The following SCAF1 variants were observed in gnomAD, a reference collection of about 807,000 sequenced individuals.
The protein encoded by SCAF1 is SR-related CTD associated factor 1.
Under a neutral mutation model 91.2 loss-of-function variants are expected in SCAF1, and 28 were observed. That is an observed-to-expected ratio of 0.31 (90% confidence interval 0.23 to 0.42). The LOEUF is 0.42. Ranked by LOEUF, SCAF1 falls within the 10% of genes least tolerant of loss-of-function variation. The pLI, the probability that SCAF1 is intolerant of heterozygous loss-of-function variation, is 1.00. For missense variants in SCAF1, 1,893 were observed against 1,872.1 expected (o/e 1.01, Z -0.21); for synonymous variants, 1,036 against 833.7 (o/e 1.24, Z -4.18).
At position 49,646,916 on chromosome 19, in the gene SCAF1, C is replaced by A; in HGVS notation, c.478+86C>A. ...TTTTGGTAGTGATGGTAGCGGTGATCATGTTATTTAGACAAAACCTTTCCC... is the reference window on the plus strand; with the variant it reads ...TTTTGGTAGTGATGGTAGCGGTGATAATGTTATTTAGACAAAACCTTTCCC... On this transcript the variant is annotated intron_variant, in intron 6 of 10. Coordinates refer to ENST00000360565, the MANE Select transcript of SCAF1 (RefSeq NM_021228.3). The surrounding 1 kb of genome is among the most constrained non-coding windows in gnomAD (Gnocchi z 5.6). 3 of 985,268 alleles carry A rather than the reference C, an allele frequency of 3.0e-6. No individual in the cohort carries two copies. Among genetic ancestry groups the A allele is most frequent in the Non-Finnish European group, 3.0e-6 (2 of 670,020 alleles). The allele number at this position is 985,268 out of a possible 1,614,324, so 61.0% of individuals were successfully genotyped here.
At position 49,654,745 on chromosome 19, in the gene SCAF1, C is replaced by T; in HGVS notation, c.3493C>T (p.Leu1165=). The change falls in exon 9 of 11, where the codon CTG becomes TTG. Residue 1165 remains leucine, a synonymous_variant. Coordinates refer to ENST00000360565, the MANE Select transcript of SCAF1 (RefSeq NM_021228.3). Reference sequence around the variant, plus strand: ...TCTGCCCCCTGGCCCCTCCAGCTACCTGCTTCCTGGCAGCCTCCCTCTGGG... The same window carrying T: ...TCTGCCCCCTGGCCCCTCCAGCTACTTGCTTCCTGGCAGCCTCCCTCTGGG... ...LGLPPGPSSY[L]LPGSLPLGGC... 2 of 1,614,024 alleles carry T rather than the reference C, an allele frequency of 1.2e-6. No individual in the cohort carries two copies. Among genetic ancestry groups the T allele is most frequent in the South Asian group, 1.1e-5 (1 of 91,082 alleles).
In SCAF1 at chr19:49,653,223, C is replaced by T. The variant is rs1194719361; in HGVS notation, c.2834C>T (p.Ser945Phe). 6.6e-7 allele frequency: 1 copy of T among 1,517,662 alleles called. No individual in the cohort carries two copies. Among genetic ancestry groups the T allele is most frequent in the Non-Finnish European group, 8.8e-7 (1 of 1,132,550 alleles). 94.0% of individuals were successfully genotyped at this position (1,517,662 alleles called of 1,614,324 possible). A position where few individuals can be genotyped will look rare whatever the true frequency, so the allele number is the denominator to read the frequency against. ...GGTGGCCAGGTGTCGCTGAAGAAGT[C>T]CAAGGCGGATAGCTGCAGCCAGGCG... ...GSGGQVSLKK[S>F]KADSCSQAAG... The change falls in exon 7 of 11, where the codon TCC (serine) becomes TTC (phenylalanine). Residue 945 changes from serine (S) to phenylalanine (F), a missense_variant. This residue lies in a region of SCAF1 where 1,436 missense variants were observed against 1,306.8 expected (regional missense o/e 1.10). Coordinates refer to ENST00000360565, the MANE Select transcript of SCAF1 (RefSeq NM_021228.3).
rs755547632 is a variant in SCAF1, at chr19:49,652,765, C to T, written c.2376C>T (p.Ser792=). Residue 792 remains serine (S), a synonymous_variant, in exon 7 of 11, where the codon TCC becomes TCT. Coordinates refer to ENST00000360565, the MANE Select transcript of SCAF1 (RefSeq NM_021228.3). ...GAGATAGGGACAGGGACAGGTCATC[C>T]AAGAAGGCCCGGCCCCCCAAGGAGT... The part of the protein sequence containing the change: ...RDRDRDRDRS[S]KKARPPKESA... The T allele has an allele frequency of 6.2e-7, 1 of 1,612,246 alleles. No individual in the cohort carries two copies.
Position 49,646,095 on chromosome 19 carries a change from A to G in SCAF1, c.167-13A>G, listed in dbSNP as rs370215846. 2.9e-5 allele frequency: 47 copies of G among 1,610,806 alleles called. No homozygotes were observed. The highest frequency in any genetic ancestry group is 8.8e-5 in the South Asian group (8 of 91,046). ...TCCCCTGTGTCCAATCCCCCATGCA[A>G]ATCTCTCACCAGATGGCTCTCGGTG... On this transcript the variant is annotated splice_polypyrimidine_tract_variant and intron_variant, in intron 3 of 10. Transcript: ENST00000360565. This position sits in a 1 kb window ranked among gnomAD's most constrained non-coding sequence, Gnocchi z 5.6.
In SCAF1 at chr19:49,651,095, G is replaced by A; in HGVS notation, c.706G>A (p.Glu236Lys). The A allele has an allele frequency of 6.7e-7, 1 of 1,485,666 alleles. No individual in the cohort carries two copies. Among genetic ancestry groups the A allele is most frequent in the Non-Finnish European group, 9.1e-7 (1 of 1,101,922 alleles). 92.0% of individuals were successfully genotyped at this position (1,485,666 alleles called of 1,614,324 possible). A position where few individuals can be genotyped will look rare whatever the true frequency, so the allele number is the denominator to read the frequency against. Residue 236 changes from glutamate (E) to lysine (K), a missense_variant, in exon 7 of 11, where the codon GAG (glutamate) becomes AAG (lysine). Glu to Lys is a moderately conservative substitution (Grantham distance 56). This residue lies in a region of SCAF1 where 80 missense variants were observed against 116.6 expected (regional missense o/e 0.69). Transcript: ENST00000360565. ...CTATGACCCCTTCCACCCCACCGAC[G>A]AGGCCTACTCTCCACCGCCTGCTCC... is the stretch of plus-strand genomic sequence containing the variant. ...DIYDPFHPTD[E>K]AYSPPPAPEQ...
chr19:49,651,471 C>A lies in SCAF1; in HGVS notation c.1082C>A (p.Ala361Asp). 6.3e-7 allele frequency: 1 copy of A among 1,585,364 alleles called. No individual in the cohort carries two copies. The highest frequency in any genetic ancestry group is 8.6e-7 in the Non-Finnish European group (1 of 1,167,022). ...TTCGTGGTGGGGACCGAGGCAGAGG[C>A]TTGTCGGGAAGGCAAGGTCTCGGTG... ...RVFVVGTEAE[A>D]CREGKVSVEV... is the part of the protein sequence containing the mutation. The change falls in exon 7 of 11, where the codon GCT (alanine) becomes GAT (aspartate). Residue 361 changes from alanine to aspartate, a missense_variant. Ala to Asp is a moderately radical substitution (Grantham distance 126). Around this residue, in one of 5 missense-constraint regions of SCAF1, gnomAD observed 1,436 missense variants for 1,306.8 expected, o/e 1.10. Transcript: ENST00000360565.
At chr19:49,641,816 G>C (rs1209248362), upstream of SCAF1, among the ~76,000 whole-genome samples, 1 of 152,208 alleles carries the variant, frequency 6.6e-6, no homozygotes, top group African/African-American at 2.4e-5. Context: ...ACAACATCCA[G>C]CAAGTCGTGC....
Position 49,652,272 on chromosome 19 carries a change from A to G in SCAF1, c.1883A>G (p.Glu628Gly), listed in dbSNP as rs1281706444. 9.4e-6 allele frequency: 14 copies of G among 1,482,476 alleles called. No homozygotes were observed. The highest frequency in any genetic ancestry group is 1.5e-5 in the African/African-American group (1 of 68,872). The allele number at this position is 1,482,476 out of a possible 1,614,324, so 91.8% of individuals were successfully genotyped here. Residue 628 changes from glutamate to glycine, a missense_variant, in exon 7 of 11, where the codon GAG (glutamate) becomes GGG (glycine). Transcript: ENST00000360565. ...ATSSSSSSRRERHRGKHRDGG... is the reference protein window; with the variant it reads ...ATSSSSSSRRGRHRGKHRDGG... ...TCCTCATCGTCGTCCTCGAGGCGCG[A>G]GCGGCACCGCGGGAAACACCGGGAC...
Position 49,652,514 on chromosome 19 carries a change from C to T in SCAF1, c.2125C>T (p.Arg709Trp), listed in dbSNP as rs1003536053. Residue 709 changes from arginine to tryptophan, a missense_variant, in exon 7 of 11, where the codon CGG becomes TGG. By Grantham distance (101) the Arg-to-Trp change is moderately radical. Transcript: ENST00000360565. ...FAIKRTITVGRLDKSDPRGPS... is the reference protein window; with the variant it reads ...FAIKRTITVGWLDKSDPRGPS... The stretch of plus-strand genomic sequence containing the variant: ...CATCAAGCGGACCATCACGGTGGGC[C>T]GGCTTGACAAGTCCGACCCCCGAGG... 6 of 1,576,632 alleles carry T rather than the reference C, an allele frequency of 3.8e-6. No homozygotes were observed. The highest frequency in any genetic ancestry group is 1.8e-5 in the Admixed American group (1 of 55,640).
chr19:49,653,791 C>T, intron 7 of SCAF1, 86 bp downstream of exon 7: 2 of 1,303,606 alleles, frequency 1.5e-6, no homozygotes, highest in East Asian at 2.8e-5. Flanking sequence ...CAGTGGGGTG[C>T]CCTGGCAGGG....
Position 49,651,727 on chromosome 19 carries a change from C to A in SCAF1, c.1338C>A (p.Phe446Leu). 2.2e-6 allele frequency: 3 copies of A among 1,373,030 alleles called. No individual in the cohort carries two copies. Among genetic ancestry groups the A allele is most frequent in the Non-Finnish European group, 2.8e-6 (3 of 1,073,354 alleles). The allele number at this position is 1,373,030 out of a possible 1,614,324, so 85.1% of individuals were successfully genotyped here. ...PAPRAPEGDD[F>L]LSLHAESDGE... ...CGCGGGCCCCCGAGGGGGACGACTT[C>A]TTGTCCCTGCATGCGGAGTCGGACG... The change falls in exon 7 of 11, where the codon TTC (phenylalanine) becomes TTA (leucine). Residue 446 changes from phenylalanine (F) to leucine (L), a missense_variant. By Grantham distance (22) the Phe-to-Leu change is conservative. This residue lies in a region of SCAF1 where 1,436 missense variants were observed against 1,306.8 expected (regional missense o/e 1.10). Transcript: ENST00000360565.
At position 49,646,216 on chromosome 19, in the gene SCAF1, G is replaced by A. The variant is rs1274936522; in HGVS notation, c.261+14G>A. The A allele has an allele frequency of 6.3e-7, 1 of 1,596,784 alleles. No homozygotes were observed. Among genetic ancestry groups the A allele is most frequent in the South Asian group, 1.1e-5 (1 of 90,806 alleles). ...GACACGGCTACTGTGAGTAAGAAGAGGGGGCTGGGGGCCTGGCTCACGGGT... is the reference window on the plus strand; with the variant it reads ...GACACGGCTACTGTGAGTAAGAAGAAGGGGCTGGGGGCCTGGCTCACGGGT... On this transcript the variant is annotated intron_variant, in intron 4 of 10. Transcript: ENST00000360565. This position sits in a 1 kb window ranked among gnomAD's most constrained non-coding sequence, Gnocchi z 5.6.
Position 49,645,468 on chromosome 19 carries a change from A to G in SCAF1, c.166+57A>G. 6.5e-7 allele frequency: 1 copy of G among 1,545,078 alleles called. No homozygotes were observed. ...GCCCCCTCTCTGCATTCTTTATCCT[A>G]ATGTCATTCATACAAGCTTTTCTGA... On this transcript the variant is annotated intron_variant, in intron 3 of 10. Transcript: ENST00000360565. This position sits in a 1 kb window ranked among gnomAD's most constrained non-coding sequence, Gnocchi z 4.6.
chr19:49,641,677 A>G (rs2081026915), upstream of SCAF1, among the ~76,000 whole-genome samples: 4 of 152,104 alleles, frequency 2.6e-5, no homozygotes, highest in Admixed American at 6.6e-5. Flanking sequence ...TCTAACTTCT[A>G]GGCTCAAGCC....
At chr19:49,648,337 C>G (rs1415853880) in intron 6 of SCAF1, among the ~76,000 whole-genome samples, 2 of 152,090 alleles carry the variant, frequency 1.3e-5, no homozygotes, top group African/African-American at 4.8e-5. Flanking sequence ...GTCTCAAACT[C>G]CTGACCTGAA....
At chr19:49,655,791 A>G (rs976477274) in intron 9 of SCAF1, among the ~76,000 whole-genome samples, 3 of 151,926 alleles carry the variant, frequency 2.0e-5, no homozygotes, top group Non-Finnish European at 1.5e-5. Context: ...CTACGTCAGC[A>G]TCCTGTGTAG....
intron 6 of SCAF1, among the ~76,000 whole-genome samples, chr19:49,650,320 C>T (rs1012056370): frequency 3.3e-5 from 5 of 152,154 alleles, no homozygotes; most frequent in African/African-American, 1.2e-4. Flanking sequence ...GAAACTCCCA[C>T]GAGAGGCAGC....
At chr19:49,653,999 G>T (rs753145697) in intron 7 of SCAF1, among the ~76,000 whole-genome samples, 2 of 152,154 alleles carry the variant, frequency 1.3e-5, no homozygotes, top group African/African-American at 4.8e-5. Flanking sequence ...CTTGAGCAGG[G>T]CATCGTATTC....
In SCAF1 at chr19:49,650,335, G is replaced by T. The variant is rs570443705; in HGVS notation, c.479-533G>T. Among the ~76,000 whole-genome samples the T allele has an allele frequency of 1.3e-5, 2 of 152,264 alleles. 1 individual carries two copies. Among genetic ancestry groups the T allele is most frequent in the Middle Eastern group, 6.8e-3 (2 of 294 alleles). The stretch of plus-strand genomic sequence containing the variant: ...GAAACTCCCACGAGAGGCAGCTGGC[G>T]CAGCAGGCCAGAGCTTGTTTTTGTC... On this transcript the variant is annotated intron_variant, in intron 6 of 10. Coordinates refer to ENST00000360565, the MANE Select transcript of SCAF1 (RefSeq NM_021228.3).
Sources: gnomAD v4.1 joint callset for allele counts (sites outside exome capture counted in the v4.1 genomes callset) on GRCh38, gnomAD v4.1.1 for gene constraint, gnomAD v4.1.1 regional missense constraint, Gnocchi (gnomAD v3.1) non-coding constraint, MANE v1.5 for transcripts, NCBI Gene and HGNC (gene_info 2026-07-23, HGNC 2026-07-21) for gene names.